The following POLD1 variants were observed in gnomAD, a reference collection of about 807,000 sequenced individuals.
POLD1 encodes the protein DNA polymerase delta 1, catalytic subunit, also known as DNA polymerase delta catalytic subunit.
In POLD1, 79 loss-of-function variants were observed where a neutral mutation model predicts 129.7. That is an observed-to-expected ratio of 0.61 (90% CI 0.51 to 0.73). POLD1 has a LOEUF of 0.73. POLD1 is among the 30% of genes least tolerant of loss of function. The pLI is 0.00. For missense variants in POLD1, 1,338 were observed against 1,595.8 expected, an observed-to-expected ratio of 0.84 and a Z score of 2.75; for synonymous variants, 714 against 683.3, an observed-to-expected ratio of 1.04 and a Z score of -0.70.
At chr19:50,396,129 C>T (rs3219347) in intron 1 of POLD1, among the ~76,000 whole-genome samples, 18,994 of 148,436 alleles carry the variant, frequency 0.13, 1,569 homozygotes, top group African/African-American at 0.22. Flanking sequence ...CTGTGTTGCC[C>T]AGGCTAAAGT....
At chr19:50,401,263 TTATG>T (rs1446608708) in intron 3 of POLD1, among the ~76,000 whole-genome samples, 2 of 146,668 alleles carry the variant, frequency 1.4e-5, no homozygotes, top group African/African-American at 2.5e-5. Flanking sequence ...GATATATTCT[TTATG>T]TATTAATTTA....
rs891658484 is a variant in POLD1, at chr19:50,408,089, C to G, written c.1775+674C>G. Among the ~76,000 whole-genome samples the G allele has an allele frequency of 9.9e-5, 15 of 151,084 alleles. 1 individual carries two copies. ...GGCTCACCCCTGTAATCAATCCCAG[C>G]ACTTTGGGAGGTCAAGGCAGGCGGA... On this transcript the variant is annotated intron_variant, in intron 14 of 26. Transcript: ENST00000440232.
intron 1 of POLD1, among the ~76,000 whole-genome samples, chr19:50,388,003 C>T (rs2123710370): frequency 6.6e-6 from 1 of 152,342 alleles, no homozygotes; most frequent in Admixed American, 6.5e-5. Context: ...AAAAAAGGGA[C>T]ACAGCACTGA....
At position 50,413,453 on chromosome 19, in the gene POLD1, A is replaced by T; in HGVS notation, c.2182A>T (p.Ile728Phe). ...CGTCACGGGGTTCGGACGTCAGATGATCGAGAAAACCAAGCAGCTGGTGGA... is the reference window on the plus strand; with the variant it reads ...CGTCACGGGGTTCGGACGTCAGATGTTCGAGAAAACCAAGCAGCTGGTGGA... ...QSVTGFGRQM[I>F]EKTKQLVESK... The change falls in exon 18 of 27, where the codon ATC (isoleucine) becomes TTC (phenylalanine). Residue 728 changes from isoleucine (I) to phenylalanine (F), a missense_variant. Ile to Phe is a conservative substitution (Grantham distance 21, BLOSUM62 0). Around this residue, in one of 3 missense-constraint regions of POLD1, gnomAD observed 720 missense variants for 1,002.6 expected, o/e 0.72. Coordinates refer to ENST00000440232, the MANE Select transcript of POLD1 (RefSeq NM_002691.4). 6.2e-7 allele frequency: 1 copy of T among 1,613,388 alleles called. No individual in the cohort carries two copies. Among genetic ancestry groups the T allele is most frequent in the Non-Finnish European group, 8.5e-7 (1 of 1,179,634 alleles).
chr19:50,389,460 C>T (rs977159503), intron 1 of POLD1, among the ~76,000 whole-genome samples: 1 of 152,050 alleles, frequency 6.6e-6, no homozygotes, highest in Non-Finnish European at 1.5e-5. Context: ...TGTCCGCCTG[C>T]AGAACTACAG....
rs2122390996 is a variant in POLD1 at position 50,409,690 on chromosome 19, G to C, written c.2154+24G>C. 1 of 1,579,064 alleles carries C rather than the reference G, an allele frequency of 6.3e-7. No individual in the cohort carries two copies. Among genetic ancestry groups the C allele is most frequent in the South Asian group, 1.1e-5 (1 of 87,164 alleles). ...AGGTGGGCACTCGGGCCCCTGGAAG[G>C]CAACTGGGGGCAGGTGGGCCCCCTG... On this transcript the variant is annotated intron_variant, in intron 17 of 26. Transcript: ENST00000440232. The surrounding 1 kb of genome is among the most constrained non-coding windows in gnomAD (Gnocchi z 5.8).
rs549467422 is a variant in POLD1 at position 50,399,722 on chromosome 19, C to G, written c.316+238C>G. On this transcript the variant is annotated intron_variant, in intron 3 of 26. Coordinates refer to ENST00000440232, the MANE Select transcript of POLD1 (RefSeq NM_002691.4). ...GTCAGCTTGAGGGAGGTGCTTGGAG[C>G]GTTGATCTGTTTTGCATACGTAGTA... Among the ~76,000 whole-genome samples, 18 of 152,318 alleles carry G rather than the reference C, an allele frequency of 1.2e-4. No homozygotes were observed. The East Asian group carries it at 3.5e-3, about 29-fold the overall frequency.
rs1398389717 is a variant in POLD1 at position 50,402,511 on chromosome 19, A to T, written c.816A>T (p.Lys272Asn). 1 of 1,608,198 alleles carries T rather than the reference A, an allele frequency of 6.2e-7. No individual in the cohort carries two copies. The highest frequency in any genetic ancestry group is 8.5e-7 in the Non-Finnish European group (1 of 1,177,656). Reference protein sequence around the residue: ...GCNWLELPAGKYALRLKEKAT... With the variant: ...GCNWLELPAGNYALRLKEKAT... ...ACTGGCTGGAGCTCCCAGCTGGGAA[A>T]TACGCCCTGAGGCTGAAGGAGAAGG... is the stretch of plus-strand genomic sequence containing the variant. The change falls in exon 7 of 27, where the codon AAA (lysine) becomes AAT (asparagine). Residue 272 changes from lysine to asparagine, a missense_variant. Lys to Asn is a moderately conservative substitution (Grantham distance 94). Coordinates refer to ENST00000440232, the MANE Select transcript of POLD1 (RefSeq NM_002691.4).
Position 50,402,681 on chromosome 19 carries a change from T to C in POLD1, c.910T>C (p.Trp304Arg), listed in dbSNP as rs751974087. The C allele has an allele frequency of 6.2e-7, 1 of 1,601,792 alleles. No homozygotes were observed. The highest frequency in any genetic ancestry group is 2.2e-5 in the East Asian group (1 of 44,476). The change falls in exon 8 of 27, where the codon TGG (tryptophan) becomes CGG (arginine). Residue 304 changes from tryptophan (W) to arginine (R), a missense_variant. Trp to Arg is a moderately radical substitution (Grantham distance 101, BLOSUM62 -3). Transcript: ENST00000440232. ...GGTCAGTCACCCACCGGAAGGGCCA[T>C]GGCAGCGCATTGCGCCCTTGCGCGT... Reference protein sequence around the residue: ...DVVSHPPEGPWQRIAPLRVLS... With the variant: ...DVVSHPPEGPRQRIAPLRVLS...
At position 50,396,092 on chromosome 19, in the gene POLD1, TG is replaced by T. The variant is rs376536256; in HGVS notation, c.-1-2758del. 9.5e-4 allele frequency among the ~76,000 whole-genome samples: 102 copies of T among 107,352 alleles called. 4 individuals carry two copies. Among genetic ancestry groups the T allele is most frequent in the African/African-American group, 5.3e-3 (94 of 17,776 alleles). 70.4% of individuals were successfully genotyped at this position (107,352 alleles called of 152,430 possible). ...GTTGTTGTTGGTGGTGGTTTTTTTTTGTTTTTTTTTTTGAGACAGAATATTG... is the reference window on the plus strand; with the variant it reads ...GTTGTTGTTGGTGGTGGTTTTTTTTTTTTTTTTTTTTGAGACAGAATATTG... On this transcript the variant is annotated intron_variant, in intron 1 of 26. Transcript: ENST00000440232.
intron 10 of POLD1, among the ~76,000 whole-genome samples, chr19:50,405,066 A>ATTTTTG (rs954330165): frequency 9.2e-5 from 14 of 151,548 alleles, no homozygotes; most frequent in African/African-American, 2.7e-4. Flanking sequence ...CGCCTGGCCT[A>ATTTTTG]TTTTTGTTTT....
At chr19:50,407,538 A>C (rs1435359305) in intron 14 of POLD1, 123 bp downstream of exon 14, 1 of 435,974 alleles carries the variant, frequency 2.3e-6, no homozygotes, top group Non-Finnish European at 4.0e-6. Context: ...TGCTCCACAA[A>C]ATTTTTTTAT....
At chr19:50,413,192 G>C (rs1254310723) in intron 17 of POLD1, among the ~76,000 whole-genome samples, 1 of 152,182 alleles carries the variant, frequency 6.6e-6, no homozygotes, top group Non-Finnish European at 1.5e-5. Flanking sequence ...TCACTTCCTT[G>C]TGCATGTCCA....
chr19:50,414,678 C>CCCA, intron 19 of POLD1, 137 bp from the exon 20 acceptor site: 1 of 636,648 alleles, frequency 1.6e-6, no homozygotes, highest in Non-Finnish European at 2.5e-6. Context: ...CTCGGTCCAT[C>CCCA]CCACCAGGCT....
rs985679759 is a variant in POLD1 at position 50,416,615 on chromosome 19, G to T, written c.2959G>T (p.Asp987Tyr). 1.2e-5 allele frequency: 19 copies of T among 1,561,334 alleles called. No homozygotes were observed. Among genetic ancestry groups the T allele is most frequent in the Non-Finnish European group, 1.6e-5 (19 of 1,157,114 alleles). The change falls in exon 24 of 27, where the codon GAC (aspartate) becomes TAC (tyrosine). Residue 987 changes from aspartate (D) to tyrosine (Y), a missense_variant. This residue lies in a region of POLD1 where 286 missense variants were observed against 277.5 expected (regional missense o/e 1.03). Coordinates refer to ENST00000440232, the MANE Select transcript of POLD1 (RefSeq NM_002691.4). The part of the protein sequence containing the change: ...GRAEAVLLRG[D>Y]HTRCKTVLTG... ...ACCTGCCTCCTCTCCTGCAGGGGGG[G>T]ACCACACGCGCTGCAAGACGGTGCT...
chr19:50,403,168 C>G lies in POLD1; in HGVS notation c.1086C>G (p.Pro362=). 6.4e-7 allele frequency: 1 copy of G among 1,562,226 alleles called. No homozygotes were observed. The highest frequency in any genetic ancestry group is 1.2e-5 in the South Asian group (1 of 84,948). ...RLALTLRPCA[P]ILGAKVQSYE... ...CGCTCACCCTGCGGCCCTGTGCCCC[C>G]ATCCTGGGTGCCAAGGTGCAGAGCT... The change falls in exon 9 of 27, where the codon CCC becomes CCG. Residue 362 remains proline (P), a synonymous_variant. Transcript: ENST00000440232.
At position 50,417,876 on chromosome 19, in the gene POLD1, G is replaced by T. The variant is rs2039393865; in HGVS notation, c.3253G>T (p.Val1085Leu). Residue 1085 changes from valine (V) to leucine (L), a missense_variant, in exon 27 of 27, where the codon GTG becomes TTG. Val to Leu is a conservative substitution (Grantham distance 32). This residue lies in a region of POLD1 where 286 missense variants were observed against 277.5 expected (regional missense o/e 1.03). Coordinates refer to ENST00000440232, the MANE Select transcript of POLD1 (RefSeq NM_002691.4). Reference protein sequence around the residue: ...DCPIFYMRKKVRKDLEDQEQL... With the variant: ...DCPIFYMRKKLRKDLEDQEQL... The stretch of plus-strand genomic sequence containing the variant: ...CCCCATCTTCTACATGCGCAAGAAG[G>T]TGCGGAAGGACCTGGAAGACCAGGA... The T allele has an allele frequency of 3.7e-6, 6 of 1,610,988 alleles. No individual in the cohort carries two copies. Among genetic ancestry groups the T allele is most frequent in the Non-Finnish European group, 5.1e-6 (6 of 1,178,796 alleles).
chr19:50,414,355 C>T (rs547755646), intron 19 of POLD1, among the ~76,000 whole-genome samples: 442 of 152,384 alleles, frequency 2.9e-3, no homozygotes, highest in African/African-American at 9.9e-3. Context: ...TGGGCTCCGG[C>T]GATCCTCCCG....
intron 22 of POLD1, 28 bp downstream of exon 22, chr19:50,415,854 G>A (rs368740538): frequency 7.9e-6 from 11 of 1,388,202 alleles, no homozygotes; most frequent in African/African-American, 2.9e-5. Context: ...GCCTGCTCCC[G>A]CCCAGCCCCC....
Sources: allele counts gnomAD v4.1 joint callset (sites outside exome capture counted in the v4.1 genomes callset), GRCh38; gene constraint gnomAD v4.1.1; regional missense constraint gnomAD v4.1.1; non-coding constraint Gnocchi (gnomAD v3.1); transcripts MANE v1.5; gene names NCBI Gene and HGNC (gene_info 2026-07-23, HGNC 2026-07-21).